Variants in EYS observed in about 807,000 individuals in gnomAD.
EYS encodes EGF-like photoreceptor maintenance factor, also known as protein eyes shut homolog.
In EYS, 250 loss-of-function variants were observed where a neutral mutation model predicts 282.1. The observed-to-expected ratio is 0.89, with a 90% CI of 0.80 to 0.98. EYS has a LOEUF of 0.98. Among genes scored for constraint, EYS ranks in the 50% least tolerant of loss-of-function variants. The pLI, the probability that EYS is intolerant of heterozygous loss-of-function variation, is 0.00. For synonymous variants in EYS, 1,355 were observed against 1,282.9 expected (o/e 1.06, Z -1.20); for missense variants, 4,016 against 3,709.0 (o/e 1.08, Z -2.15).
intron 26 of EYS, among the ~76,000 whole-genome samples, chr6:64,444,918 C>T (rs1028578668): frequency 6.6e-6 from 1 of 152,194 alleles, no homozygotes; most frequent in African/African-American, 2.4e-5. Flanking sequence ...TCACCTCCAC[C>T]ATGATTTCTG....
At chr6:65,161,732 T>C (rs114373140) in intron 12 of EYS, among the ~76,000 whole-genome samples, 10,450 of 151,220 alleles carry the variant, frequency 0.069, 545 homozygotes, top group Non-Finnish European at 0.1. Context: ...TATATTCATT[T>C]ACAAACAACT....
intron 36 of EYS, among the ~76,000 whole-genome samples, chr6:63,813,883 G>C (rs749557737): frequency 6.6e-6 from 1 of 152,096 alleles, no homozygotes; most frequent in Non-Finnish European, 1.5e-5. Context: ...GCAGTGTAGC[G>C]TATCTTGAAA....
At chr6:64,165,635 T>TTC (rs1196699754) in intron 31 of EYS, among the ~76,000 whole-genome samples, 1 of 152,162 alleles carries the variant, frequency 6.6e-6, no homozygotes, top group Admixed American at 6.5e-5. Context: ...TACTGAGCCA[T>TTC]TCTCTGGGGC....
At chr6:64,530,968 C>T (rs902472555) in intron 26 of EYS, among the ~76,000 whole-genome samples, 15 of 152,106 alleles carry the variant, frequency 9.9e-5, no homozygotes, top group Non-Finnish European at 1.9e-4. Flanking sequence ...TCTTCTGACA[C>T]CCCACCTCTA....
chr6:65,469,798 T>C (rs1765142404), intron 5 of EYS, among the ~76,000 whole-genome samples: 2 of 152,224 alleles, frequency 1.3e-5, no homozygotes, highest in East Asian at 1.9e-4. Flanking sequence ...CAGCTATACA[T>C]AGGCATCTAT....
At chr6:65,519,438 AT>A (rs958971367) in intron 2 of EYS, among the ~76,000 whole-genome samples, 33 of 151,214 alleles carry the variant, frequency 2.2e-4, no homozygotes, top group African/African-American at 7.5e-4. Flanking sequence ...CTTAAACATT[AT>A]TTTTAACATC....
At chr6:64,770,744 T>C (rs1773501029) in intron 22 of EYS, among the ~76,000 whole-genome samples, 1 of 151,922 alleles carries the variant, frequency 6.6e-6, no homozygotes, top group Non-Finnish European at 1.5e-5. Flanking sequence ...GCAGTATTCA[T>C]AAAGGAACCT....
At chr6:65,498,737 T>C (rs1766342786) in intron 2 of EYS, among the ~76,000 whole-genome samples, 1 of 152,064 alleles carries the variant, frequency 6.6e-6, no homozygotes, top group East Asian at 1.9e-4. Context: ...GCTTTGGATT[T>C]TATTGGGAAC....
chr6:64,706,466 CT>C (rs1771020765), intron 22 of EYS, among the ~76,000 whole-genome samples: 1 of 152,072 alleles, frequency 6.6e-6, no homozygotes, highest in Admixed American at 6.6e-5. Flanking sequence ...ATATATGGGA[CT>C]TAATTAAACT....
chr6:65,581,960 C>A (rs999517283), intron 2 of EYS, among the ~76,000 whole-genome samples: 1 of 151,510 alleles, frequency 6.6e-6, no homozygotes, highest in Non-Finnish European at 1.5e-5. Context: ...GAGGCTGAGG[C>A]CAGCAGATCA....
chr6:64,877,151 T>C (rs982974899), intron 19 of EYS, among the ~76,000 whole-genome samples: 3 of 152,164 alleles, frequency 2.0e-5, no homozygotes, highest in African/African-American at 7.2e-5. Context: ...GATTTGCTGA[T>C]GGACTGCATG....
intron 26 of EYS, among the ~76,000 whole-genome samples, chr6:64,446,988 G>T (rs6920503): frequency 0.2 from 16,515 of 81,534 alleles, 1,933 homozygotes; most frequent in African/African-American, 0.41. Flanking sequence ...TGTGTGTGTG[G>T]GGGGGGGGTG....
chr6:64,577,082 A>C (rs947893585), intron 26 of EYS, among the ~76,000 whole-genome samples: 6 of 152,090 alleles, frequency 3.9e-5, no homozygotes, highest in African/African-American at 1.4e-4. Flanking sequence ...ACCACCACCA[A>C]GGAAGCTAGG....
chr6:63,979,254 T>C (rs981418567), intron 35 of EYS, among the ~76,000 whole-genome samples: 2 of 151,924 alleles, frequency 1.3e-5, no homozygotes, highest in African/African-American at 4.8e-5. Context: ...CCTGCTACAA[T>C]AGGAGAGTTA....
chr6:64,795,684 G>C (rs1774333625), intron 22 of EYS, among the ~76,000 whole-genome samples: 4 of 152,158 alleles, frequency 2.6e-5, no homozygotes, highest in African/African-American at 9.7e-5. Context: ...AATTGTTCTT[G>C]ATTTAATACA....
At chr6:65,329,257 T>C (rs1412457980) in intron 11 of EYS, 1 of 661,732 alleles carries the variant, frequency 1.5e-6, no homozygotes, top group African/African-American at 2.0e-5. Flanking sequence ...TTTCAACCCA[T>C]ATGAAACTTG....
intron 12 of EYS, among the ~76,000 whole-genome samples, chr6:65,231,119 A>ATATATATACTTTTATATATATT (rs1554168991): frequency 6.9e-6 from 1 of 145,330 alleles, no homozygotes; most frequent in Non-Finnish European, 1.5e-5. Flanking sequence ...ATGTATTTAT[A>ATATATATACTTTTATATATATT]TATATATACT....
At chr6:64,682,592 T>G (rs997810283) in intron 22 of EYS, among the ~76,000 whole-genome samples, 2 of 152,100 alleles carry the variant, frequency 1.3e-5, no homozygotes, top group African/African-American at 4.8e-5. Context: ...CACATGGACA[T>G]GCCTACAACT....
At chr6:63,952,503 T>G (rs1164393685) in intron 35 of EYS, among the ~76,000 whole-genome samples, 1 of 152,180 alleles carries the variant, frequency 6.6e-6, no homozygotes, top group Non-Finnish European at 1.5e-5. Flanking sequence ...CTGTTACACT[T>G]GCCTCCATAA....
Sources: gnomAD v4.1 joint callset for allele counts (sites outside exome capture counted in the v4.1 genomes callset) on GRCh38, gnomAD v4.1.1 for gene constraint, MANE v1.5 for transcripts, NCBI Gene and HGNC (gene_info 2026-07-23, HGNC 2026-07-21) for gene names.